PDE5A: variants seen among roughly 807,000 people sequenced by gnomAD.
PDE5A encodes the protein cGMP-specific 3',5'-cyclic phosphodiesterase.
In PDE5A, 67 loss-of-function variants were observed where a neutral mutation model predicts 110.2. That is an observed-to-expected ratio of 0.61 (90% CI 0.50 to 0.75). The LOEUF is 0.75. Among genes scored for constraint, PDE5A ranks in the 30% least tolerant of loss-of-function variants. PDE5A has a pLI of 0.00. For missense variants in PDE5A, 862 were observed against 1,045.1 expected (o/e 0.82, Z 2.42); for synonymous variants, 328 against 351.2 (o/e 0.93, Z 0.74).
chr4:119,543,372 C>G (rs1727015814), intron 9 of PDE5A: 1 of 152,010 alleles, frequency 6.6e-6, no homozygotes, highest in African/African-American at 2.4e-5. Flanking sequence ...GATGACCCAG[C>G]CTACCTCTGT....
intron 11 of PDE5A, among the ~76,000 whole-genome samples, chr4:119,536,495 C>T (rs1044290760): frequency 1.3e-5 from 2 of 152,094 alleles, no homozygotes; most frequent in African/African-American, 4.8e-5. Flanking sequence ...ATACTTTAAA[C>T]CTGTAAAGCT....
At chr4:119,574,334 C>T (rs1405605613) in intron 3 of PDE5A, among the ~76,000 whole-genome samples, 1 of 149,164 alleles carries the variant, frequency 6.7e-6, no homozygotes, top group African/African-American at 2.5e-5. Context: ...ATGTGCCCGC[C>T]ACCACGCCCC....
Position 119,560,359 on chromosome 4 carries a change from G to T in PDE5A, c.1136C>A (p.Ser379Tyr), listed in dbSNP as rs200570290. The T allele has an allele frequency of 1.9e-6, 3 of 1,581,344 alleles. No individual in the cohort carries two copies. Among genetic ancestry groups the T allele is most frequent in the Admixed American group, 1.8e-5 (1 of 56,068 alleles). ...IFIVDEDCSD[S>Y]FSSVFHMECE... ...CTCCATGTGAAACACACTAGAAAAA[G>T]AATCCTAAAAACAGACAACACAGGC... is the stretch of plus-strand genomic sequence containing the variant. Residue 379 changes from serine (S) to tyrosine (Y), a missense_variant, in exon 7 of 21, where the codon TCT becomes TAT. Transcript: ENST00000354960.
At chr4:119,557,837 T>A (rs771192630) in intron 7 of PDE5A, among the ~76,000 whole-genome samples, 7 of 152,212 alleles carry the variant, frequency 4.6e-5, no homozygotes, top group Non-Finnish European at 8.8e-5. Context: ...TTCTACACTG[T>A]ATCCACAATT....
At chr4:119,526,549 T>C (rs1726326218) in intron 11 of PDE5A, among the ~76,000 whole-genome samples, 2 of 152,134 alleles carry the variant, frequency 1.3e-5, no homozygotes. Context: ...GGCTATTAAC[T>C]GGACCAACGG....
intron 6 of PDE5A, among the ~76,000 whole-genome samples, chr4:119,562,395 A>G (rs1218092548): frequency 6.6e-6 from 1 of 152,186 alleles, no homozygotes; most frequent in African/African-American, 2.4e-5. Context: ...TGGTTTCTAT[A>G]CAATTTCTAG....
At chr4:119,574,373 G>A (rs2110515086) in intron 3 of PDE5A, among the ~76,000 whole-genome samples, 1 of 9,526 alleles carries the variant, frequency 1.0e-4, no homozygotes, top group Middle Eastern at 0.056. Flanking sequence ...TAGTAGAGAC[G>A]GGTTTCACCA....
chr4:119,503,430 C>T lies in PDE5A; in HGVS notation c.2332-775G>A, dbSNP rs568419490. ...TAACAGGCTCCATTCAGAACTTTCT[C>T]GACATCTTATATCAATACTTCCTAC... On this transcript the variant is annotated intron_variant, in intron 18 of 20. Coordinates refer to ENST00000354960, the MANE Select transcript of PDE5A (RefSeq NM_001083.4). Among the ~76,000 whole-genome samples, 160 of 152,158 alleles carry T rather than the reference C, an allele frequency of 1.1e-3. 1 individual carries two copies. Among genetic ancestry groups the T allele is most frequent in the South Asian group, 4.4e-3 (21 of 4,816 alleles).
intron 9 of PDE5A, chr4:119,548,805 C>T (rs907546549): frequency 5.3e-5 from 8 of 152,124 alleles, no homozygotes; most frequent in African/African-American, 1.9e-4. Context: ...ACTGCCCTTA[C>T]ACCCTACAGT....
chr4:119,545,627 T>G (rs1447258383), intron 9 of PDE5A, among the ~76,000 whole-genome samples: 1 of 152,184 alleles, frequency 6.6e-6, no homozygotes, highest in African/African-American at 2.4e-5. Context: ...GAGAGTTGGT[T>G]AGCATTGAAG....
At chr4:119,501,004 C>T in intron 20 of PDE5A, 166 bp downstream of exon 20, 2 of 583,126 alleles carry the variant, frequency 3.4e-6, no homozygotes, top group Non-Finnish European at 3.0e-6. Context: ...GTATGTGTTC[C>T]TTGTTCAATA....
At chr4:119,535,323 G>A (rs1560605700) in intron 11 of PDE5A, among the ~76,000 whole-genome samples, 1 of 152,050 alleles carries the variant, frequency 6.6e-6, no homozygotes, top group African/African-American at 2.4e-5. Context: ...TTAGGCACCG[G>A]ATAAGAGAAT....
intron 3 of PDE5A, among the ~76,000 whole-genome samples, chr4:119,583,934 A>T (rs1376269332): frequency 6.6e-6 from 1 of 152,224 alleles, no homozygotes; most frequent in Non-Finnish European, 1.5e-5. Context: ...AAATAGCAGC[A>T]TGTTTGTATG....
rs867682181 is a variant in PDE5A, at chr4:119,626,209, T to C, written c.152+2311A>G. On this transcript the variant is annotated intron_variant, in intron 1 of 20. Coordinates refer to ENST00000354960, the MANE Select transcript of PDE5A (RefSeq NM_001083.4). ...GATCTAAATTTTACAGTGAGCATGG[T>C]AAATTTGAGAAATAGGATTTTGATC... Among the ~76,000 whole-genome samples the C allele has an allele frequency of 4.6e-5, 7 of 152,294 alleles. No homozygotes were observed. In the South Asian group the frequency reaches 8.3e-4, roughly 18 times the overall value.
rs1369794263 is a variant in PDE5A at position 119,628,747 on chromosome 4, A to C, written c.-76T>G. 6.4e-7 allele frequency: 1 copy of C among 1,574,750 alleles called. No homozygotes were observed. Among genetic ancestry groups the C allele is most frequent in the Non-Finnish European group, 8.6e-7 (1 of 1,165,188 alleles). ...GCTGGGGTCCGTCCCTCAGAAGAAC[A>C]GGACTCGGCCTCGAGACCCTCCCCC... On this transcript the variant is annotated 5_prime_UTR_variant, in exon 1 of 21. Transcript: ENST00000354960.
intron 12 of PDE5A, among the ~76,000 whole-genome samples, chr4:119,524,766 A>T (rs2110472813): frequency 6.6e-6 from 1 of 152,294 alleles, no homozygotes; most frequent in Admixed American, 6.5e-5. Flanking sequence ...TTTTAAAGGC[A>T]AGATTACTGA....
intron 10 of PDE5A, among the ~76,000 whole-genome samples, chr4:119,539,263 C>T (rs1361889956): frequency 6.6e-6 from 1 of 151,928 alleles, no homozygotes; most frequent in Non-Finnish European, 1.5e-5. Flanking sequence ...TCCAGTCTGA[C>T]ATTATTGCTA....
At chr4:119,498,811 A>C in intron 20 of PDE5A, 73 bp from the exon 21 acceptor site, 2 of 1,503,986 alleles carry the variant, frequency 1.3e-6, no homozygotes, top group Non-Finnish European at 1.8e-6. Flanking sequence ...GCCTGTTACA[A>C]AGGGCCACAT....
At chr4:119,606,665 T>TC (rs772853747) in intron 2 of PDE5A, 44 bp downstream of exon 2, 1 of 1,429,752 alleles carries the variant, frequency 7.0e-7, no homozygotes, top group South Asian at 1.2e-5. Flanking sequence ...CCAGCCATAG[T>TC]CCCCTCCCCA....
Sources: allele counts gnomAD v4.1 joint callset (sites outside exome capture counted in the v4.1 genomes callset), GRCh38; gene constraint gnomAD v4.1.1; transcripts MANE v1.5; gene names NCBI Gene and HGNC (gene_info 2026-07-23, HGNC 2026-07-21).